The following PCDH15 variants were observed in gnomAD, a reference collection of about 807,000 sequenced individuals.
PCDH15 encodes the protein protocadherin related 15.
Under a neutral mutation model 178.5 loss-of-function variants are expected in PCDH15, and 129 were observed. The observed-to-expected ratio is 0.72, with a 90% CI of 0.63 to 0.84. The LOEUF (loss-of-function observed/expected upper bound fraction) is 0.84. PCDH15 is among the 40% of genes least tolerant of loss of function. PCDH15 has a pLI of 0.00. For missense variants in PCDH15, 2,230 were observed against 2,099.9 expected, an observed-to-expected ratio of 1.06 and a Z score of -1.21; for synonymous variants, 800 against 732.0, an observed-to-expected ratio of 1.09 and a Z score of -1.50.
intron 1 of PCDH15, among the ~76,000 whole-genome samples, chr10:55,259,678 G>A (rs1172240124): frequency 6.6e-6 from 1 of 151,934 alleles, no homozygotes; most frequent in Non-Finnish European, 1.5e-5. Context: ...GGCTGAGGTG[G>A]GCGGATCACC....
At chr10:54,050,767 A>T (rs2093753872) in intron 18 of PCDH15, among the ~76,000 whole-genome samples, 1 of 152,032 alleles carries the variant, frequency 6.6e-6, no homozygotes, top group East Asian at 1.9e-4. Context: ...CTGGTGTTGT[A>T]ACACTGTTTT....
At chr10:55,279,548 G>C (rs1003074835) in intron 1 of PCDH15, among the ~76,000 whole-genome samples, 2 of 152,262 alleles carry the variant, frequency 1.3e-5, no homozygotes, top group Admixed American at 1.3e-4. Context: ...AGAGCCTCAT[G>C]CTTAGTTTAA....
intron 1 of PCDH15, among the ~76,000 whole-genome samples, chr10:55,181,146 C>A (rs1839637106): frequency 6.6e-6 from 1 of 151,810 alleles, no homozygotes; most frequent in Non-Finnish European, 1.5e-5. Context: ...TTTCAGGTGG[C>A]AAGAATAAAG....
chr10:55,467,973 AAAAAAAAAAAAAAAAAAAGAATT>A (rs960317605), intron 2 of PCDH15, among the ~76,000 whole-genome samples: 95 of 144,160 alleles, frequency 6.6e-4, no homozygotes, highest in Non-Finnish European at 1.1e-3. Context: ...TCTCAAAAAA[AAAAAAAAAAAAAAAAAAAGAATT>A]AAAACTGGTC....
At chr10:54,707,071 G>GTA (rs1411638964) in intron 1 of PCDH15, among the ~76,000 whole-genome samples, 1 of 152,186 alleles carries the variant, frequency 6.6e-6, no homozygotes, top group Non-Finnish European at 1.5e-5. Flanking sequence ...GTGGAACACT[G>GTA]TAGCTGTACT....
In PCDH15 at chr10:54,028,683, C is replaced by T. The variant is rs532567348; in HGVS notation, c.2221-5486G>A. Among the ~76,000 whole-genome samples, 88 of 147,760 alleles carry T rather than the reference C, an allele frequency of 6.0e-4. 1 individual carries two copies. Among genetic ancestry groups the T allele is most frequent in the African/African-American group, 2.0e-3 (78 of 39,760 alleles). ...AATCATCATTCTCAGTAAACTATCG[C>T]AAGAACAAAAAACCAAACACCGCAT... On this transcript the variant is annotated intron_variant, in intron 18 of 37. Transcript: ENST00000644397.
intron 3 of PCDH15, among the ~76,000 whole-genome samples, chr10:54,482,339 C>A (rs2078776246): frequency 6.6e-6 from 1 of 151,776 alleles, no homozygotes; most frequent in East Asian, 1.9e-4. Context: ...ACAAGAACAT[C>A]ATATGAACAG....
intron 24 of PCDH15, among the ~76,000 whole-genome samples, chr10:53,940,530 G>A (rs1339525577): frequency 1.3e-5 from 2 of 152,108 alleles, no homozygotes; most frequent in Non-Finnish European, 2.9e-5. Flanking sequence ...GCTACTGTAG[G>A]CAATGATCAT....
chr10:54,936,364 C>T (rs961162135), intron 2 of PCDH15, among the ~76,000 whole-genome samples: 5 of 151,792 alleles, frequency 3.3e-5, no homozygotes, highest in Non-Finnish European at 7.4e-5. Context: ...TGTGTATAGT[C>T]GCATGTTTTC....
chr10:54,015,794 A>C (rs2092722033), intron 20 of PCDH15, among the ~76,000 whole-genome samples: 1 of 152,134 alleles, frequency 6.6e-6, no homozygotes, highest in Admixed American at 6.6e-5. Flanking sequence ...AAACTATAAA[A>C]ACACAAAGAT....
At chr10:55,478,453 A>G (rs1246356258) in intron 2 of PCDH15, among the ~76,000 whole-genome samples, 1 of 151,724 alleles carries the variant, frequency 6.6e-6, no homozygotes, top group East Asian at 1.9e-4. Flanking sequence ...ATGAATGAAA[A>G]TGGAAACACA....
At chr10:54,619,749 AACCATC>A (rs1224477832) in intron 2 of PCDH15, among the ~76,000 whole-genome samples, 1 of 152,048 alleles carries the variant, frequency 6.6e-6, no homozygotes, top group African/African-American at 2.4e-5. Flanking sequence ...GCCGCACTAG[AACCATC>A]ATAGTGTGGA....
At chr10:55,002,007 T>A (rs1267417764) in intron 2 of PCDH15, among the ~76,000 whole-genome samples, 1 of 152,242 alleles carries the variant, frequency 6.6e-6, no homozygotes, top group African/African-American at 2.4e-5. Context: ...TGGGCCTTCA[T>A]GTGTCTTCAT....
Position 54,303,437 on chromosome 10 carries a change from T to TATATATGCAC in PCDH15, c.876+13824_876+13833dup, listed in dbSNP as rs533081742. On this transcript the variant is annotated intron_variant, in intron 8 of 37. Transcript: ENST00000644397. ...ATTTATGTATGTGTATATATATGCA[T>TATATATGCAC]ATATATGCACACACATACACATTTC... 2.1e-3 allele frequency among the ~76,000 whole-genome samples: 319 copies of TATATATGCAC among 152,140 alleles called. 1 individual carries two copies. The highest frequency in any genetic ancestry group is 5.4e-3 in the African/African-American group (224 of 41,520).
At chr10:54,277,945 G>C (rs1466858822) in intron 8 of PCDH15, among the ~76,000 whole-genome samples, 1 of 151,530 alleles carries the variant, frequency 6.6e-6, no homozygotes, top group Non-Finnish European at 1.5e-5. Flanking sequence ...GCACACATTT[G>C]TAATTTGAGT....
intron 3 of PCDH15, among the ~76,000 whole-genome samples, chr10:54,488,761 A>G (rs188053537): frequency 6.6e-6 from 1 of 152,090 alleles, no homozygotes; most frequent in East Asian, 1.9e-4. Context: ...AAGCAAATAC[A>G]GGAAGTCATA....
chr10:55,102,320 TCA>T (rs1842592515), intron 2 of PCDH15, among the ~76,000 whole-genome samples: 1 of 152,100 alleles, frequency 6.6e-6, no homozygotes, highest in South Asian at 2.1e-4. Context: ...TTGACTTCTT[TCA>T]GAGAGCCCAT....
chr10:53,864,390 A>C (rs921053989), intron 27 of PCDH15, among the ~76,000 whole-genome samples: 2 of 152,192 alleles, frequency 1.3e-5, no homozygotes, highest in African/African-American at 2.4e-5. Flanking sequence ...GTAACAAAGG[A>C]TCAAAGGCTA....
Position 55,627,326 on chromosome 10 carries a change from A to G in PCDH15, c.-156+299T>C, listed in dbSNP as rs150824411. On this transcript the variant is annotated intron_variant, in intron 2 of 5. Transcript: ENST00000613346. ...TTGCCCACAGGAAACACAACCTTTA[A>G]GAAACTGAATAAAATCAAGTTGGAC... 3.1e-3 allele frequency among the ~76,000 whole-genome samples: 468 copies of G among 152,310 alleles called. 6 individuals are homozygous for G. The highest frequency in any genetic ancestry group is 0.011 in the African/African-American group (445 of 41,558).
Sources: gnomAD v4.1 joint callset for allele counts (sites outside exome capture counted in the v4.1 genomes callset) on GRCh38, gnomAD v4.1.1 for gene constraint, MANE v1.5 for transcripts, NCBI Gene and HGNC (gene_info 2026-07-23, HGNC 2026-07-21) for gene names.